GIMAP8: variants seen among roughly 807,000 people sequenced by gnomAD.
The protein encoded by GIMAP8 is GTPase, IMAP family member 8, also known as GTPase IMAP family member 8.
GIMAP8 carries 29 observed loss-of-function variants against 35.6 expected under a neutral mutation model. The observed-to-expected ratio is 0.81, with a 90% CI of 0.61 to 1.11. GIMAP8 has a LOEUF of 1.11. Ranked by LOEUF, GIMAP8 falls within the 50% of genes most tolerant of loss-of-function variation. The pLI is 0.00. For missense variants in GIMAP8, 811 were observed against 805.0 expected (o/e 1.01, Z -0.09); for synonymous variants, 335 against 308.7 (o/e 1.09, Z -0.89).
At chr7:150,467,526 A>G (rs1801995684) in intron 2 of GIMAP8, among the ~76,000 whole-genome samples, 192 bp downstream of exon 2, 1 of 152,222 alleles carries the variant, frequency 6.6e-6, no homozygotes. Flanking sequence ...TAAGGACTTT[A>G]GGCTTTATTA....
intron 1 of GIMAP8, among the ~76,000 whole-genome samples, chr7:150,461,458 A>G (rs979320358): frequency 5.9e-5 from 9 of 152,210 alleles, no homozygotes; most frequent in African/African-American, 2.2e-4. Context: ...TTGATCTATC[A>G]TTATATAATA....
intron 3 of GIMAP8, among the ~76,000 whole-genome samples, chr7:150,471,227 T>C (rs1802083033): frequency 1.3e-5 from 2 of 152,250 alleles, no homozygotes; most frequent in African/African-American, 2.4e-5. Context: ...CACTCCTTCA[T>C]GGACAACACC....
rs1328704067 is a variant in GIMAP8 at position 150,477,642 on chromosome 7, G to A, written c.1860G>A (p.Lys620=). The A allele has an allele frequency of 1.2e-6, 2 of 1,614,186 alleles. No homozygotes were observed. Among genetic ancestry groups the A allele is most frequent in the East Asian group, 2.2e-5 (1 of 44,882 alleles). The change falls in exon 5 of 5, where the codon AAG becomes AAA. Residue 620 remains lysine, a synonymous_variant. Coordinates refer to ENST00000307271, the MANE Select transcript of GIMAP8 (RefSeq NM_175571.4). ...CCCAGGTGAAAGCTCTTTTAACAAA[G>A]GTCAATGATCTGAGAAAAGAAAGTG... The part of the protein sequence containing the change: ...QETQVKALLT[K]VNDLRKESGW...
rs753847485 is a variant in GIMAP8, at chr7:150,474,155, G to A, written c.826G>A (p.Gly276Arg). ...SILGRQAFQT[G>R]FSEQSVTQSF... Reference sequence around the variant, plus strand: ...TCTGGGGAGGCAGGCCTTTCAGACCGGATTTAGTGAGCAGTCAGTAACCCA... The same window carrying A: ...TCTGGGGAGGCAGGCCTTTCAGACCAGATTTAGTGAGCAGTCAGTAACCCA... Residue 276 changes from glycine to arginine, a missense_variant, in exon 4 of 5, where the codon GGA becomes AGA. By Grantham distance (125) the Gly-to-Arg change is moderately radical (BLOSUM62 -2). Coordinates refer to ENST00000307271, the MANE Select transcript of GIMAP8 (RefSeq NM_175571.4). 28 of 1,614,030 alleles carry A rather than the reference G, an allele frequency of 1.7e-5. No individual in the cohort carries two copies. Among genetic ancestry groups the A allele is most frequent in the East Asian group, 1.3e-4 (6 of 44,900 alleles).
Position 150,474,256 on chromosome 7 carries a change from A to G in GIMAP8, c.927A>G (p.Leu309=), listed in dbSNP as rs1802170297. 7 of 1,614,200 alleles carry G rather than the reference A, an allele frequency of 4.3e-6. No homozygotes were observed. In the East Asian group the frequency reaches 1.6e-4, roughly 36 times the overall value. ...SIIDAPDISS[L]KNIDSEVRKH... is the part of the protein sequence containing the mutation. ...TTGATGCTCCGGACATCTCATCTTT[A>G]AAGAACATTGACTCAGAAGTTAGAA... Residue 309 remains leucine, a synonymous_variant, in exon 4 of 5, where the codon TTA becomes TTG. Coordinates refer to ENST00000307271, the MANE Select transcript of GIMAP8 (RefSeq NM_175571.4).
intron 2 of GIMAP8, among the ~76,000 whole-genome samples, chr7:150,467,593 C>T (rs978778100): frequency 6.6e-6 from 1 of 152,182 alleles, no homozygotes; most frequent in Admixed American, 6.5e-5. Context: ...TATTCTTCAA[C>T]ACACAATGAT....
intron 2 of GIMAP8, among the ~76,000 whole-genome samples, chr7:150,469,198 T>C (rs771719225): frequency 6.6e-6 from 1 of 152,144 alleles, no homozygotes; most frequent in Non-Finnish European, 1.5e-5. Flanking sequence ...CTCCTGAGCC[T>C]CAAGCCTGTG....
At chr7:150,460,050 A>G (rs984341324) in intron 1 of GIMAP8, among the ~76,000 whole-genome samples, 2 of 152,202 alleles carry the variant, frequency 1.3e-5, no homozygotes, top group Non-Finnish European at 2.9e-5. Flanking sequence ...TGCTGCTAGT[A>G]GACTGGGCAC....
chr7:150,476,974 T>C, intron 4 of GIMAP8, 118 bp from the exon 5 acceptor site: 2 of 758,576 alleles, frequency 2.6e-6, no homozygotes, highest in Non-Finnish European at 4.4e-6. Flanking sequence ...AAGGAGGTCT[T>C]GATGCTGTTT....
rs756990179 is a variant in GIMAP8, at chr7:150,477,567, G to A, written c.1785G>A (p.Gly595=). 1 of 1,614,138 alleles carries A rather than the reference G, an allele frequency of 6.2e-7. No individual in the cohort carries two copies. The highest frequency in any genetic ancestry group is 2.2e-5 in the East Asian group (1 of 44,884). The change falls in exon 5 of 5, where the codon GGG becomes GGA. Residue 595 remains glycine (G), a synonymous_variant. Coordinates refer to ENST00000307271, the MANE Select transcript of GIMAP8 (RefSeq NM_175571.4). ...KALRRIFKKC[G]RRVCAFNNKE... The stretch of plus-strand genomic sequence containing the variant: ...TTCGGCGCATTTTTAAAAAGTGTGG[G>A]CGGCGAGTTTGTGCTTTTAACAACA...
At chr7:150,463,442 T>C (rs1309155598) in intron 1 of GIMAP8, among the ~76,000 whole-genome samples, 1 of 152,268 alleles carries the variant, frequency 6.6e-6, no homozygotes, top group Non-Finnish European at 1.5e-5. Flanking sequence ...TTGCACTATG[T>C]GCATCTGGTG....
intron 1 of GIMAP8, among the ~76,000 whole-genome samples, chr7:150,458,042 A>G (rs1314248025): frequency 6.6e-6 from 1 of 151,868 alleles, no homozygotes; most frequent in Non-Finnish European, 1.5e-5. Flanking sequence ...CCTCCTCACC[A>G]CTTCTGTCTT....
At chr7:150,461,927 C>T (rs1171552293) in intron 1 of GIMAP8, among the ~76,000 whole-genome samples, 2 of 152,188 alleles carry the variant, frequency 1.3e-5, no homozygotes, top group African/African-American at 4.8e-5. Context: ...GTTTATTTCA[C>T]CTGGGTGCAG....
At chr7:150,463,141 T>A (rs1801875443) in intron 1 of GIMAP8, among the ~76,000 whole-genome samples, 1 of 152,060 alleles carries the variant, frequency 6.6e-6, no homozygotes, top group Admixed American at 6.5e-5. Context: ...GTTATATTTT[T>A]TTATTTTGTT....
In GIMAP8 at chr7:150,478,126, CA is replaced by C. The variant is rs1802282894; in HGVS notation, c.*347del. On this transcript the variant is annotated 3_prime_UTR_variant, in exon 5 of 5. Transcript: ENST00000307271. ...TAGACACTGTGATCAAGGCTGAGGC[CA>C]CCTGGGATGAGAATATAGATAGTCG... 2 of 270,504 alleles carry C rather than the reference CA, an allele frequency of 7.4e-6. No homozygotes were observed. The highest frequency in any genetic ancestry group is 1.2e-4 in the South Asian group (2 of 16,208). 16.8% of individuals were successfully genotyped at this position (270,504 alleles called of 1,614,324 possible).
chr7:150,477,091 G>A lies in GIMAP8; in HGVS notation c.1310-1G>A. Reference sequence around the variant, plus strand: ...GAATCTTTCCCACTTTCCTTTGACAGAAACCCTGAACATTGTCCTTGTGGG... The same window carrying A: ...GAATCTTTCCCACTTTCCTTTGACAAAAACCCTGAACATTGTCCTTGTGGG... On this transcript the variant is annotated splice_acceptor_variant, in intron 4 of 4. Coordinates refer to ENST00000307271, the MANE Select transcript of GIMAP8 (RefSeq NM_175571.4). LOFTEE classifies it high-confidence loss of function. The A allele has an allele frequency of 6.3e-7, 1 of 1,593,622 alleles. No individual in the cohort carries two copies.
intron 1 of GIMAP8, among the ~76,000 whole-genome samples, chr7:150,456,435 G>A (rs1274718496): frequency 1.3e-5 from 2 of 152,030 alleles, no homozygotes; most frequent in African/African-American, 4.8e-5. Context: ...TAGCAATGTG[G>A]CATCTTCAAG....
rs1204614141 is a variant in GIMAP8 at position 150,478,557 on chromosome 7, C to G, written c.*777C>G. ...AAGTTCTGTAATTCTAAGTGTTGTT[C>G]TAGATTTCCTCTAGAGAAGGTTATT... On this transcript the variant is annotated 3_prime_UTR_variant, in exon 5 of 5. Coordinates refer to ENST00000307271, the MANE Select transcript of GIMAP8 (RefSeq NM_175571.4). 6.6e-6 allele frequency: 1 copy of G among 152,150 alleles called. No individual in the cohort carries two copies. Among genetic ancestry groups the G allele is most frequent in the African/African-American group, 2.4e-5 (1 of 41,432 alleles). The allele number at this position is 152,150 out of a possible 1,614,324, so 9.4% of individuals were successfully genotyped here.
chr7:150,454,267 G>T (rs1189935301), intron 1 of GIMAP8, among the ~76,000 whole-genome samples: 2 of 151,968 alleles, frequency 1.3e-5, no homozygotes, highest in South Asian at 2.1e-4. Context: ...CACTGGGGGT[G>T]GGGGGAGGTT....
Sources: allele counts gnomAD v4.1 joint callset (sites outside exome capture counted in the v4.1 genomes callset), GRCh38; gene constraint gnomAD v4.1.1; transcripts MANE v1.5; gene names NCBI Gene and HGNC (gene_info 2026-07-23, HGNC 2026-07-21).